MYCBP2: variants seen among roughly 807,000 people sequenced by gnomAD.
The protein encoded by MYCBP2 is MYC binding protein 2.
Under a neutral mutation model 525.3 loss-of-function variants are expected in MYCBP2, and 120 were observed. The ratio of observed to expected loss-of-function variants is 0.23; its 90% CI spans 0.20 to 0.27. The LOEUF is 0.27. MYCBP2 is among the 10% of genes least tolerant of loss of function. The pLI is 1.00. For missense variants in MYCBP2, 4,149 were observed against 5,657.1 expected, an observed-to-expected ratio of 0.73 and a Z score of 8.55; for synonymous variants, 1,894 against 1,955.8, an observed-to-expected ratio of 0.97 and a Z score of 0.83.
intron 14 of MYCBP2, among the ~76,000 whole-genome samples, chr13:77,255,700 C>G (rs998345587): frequency 5.3e-5 from 8 of 151,730 alleles, no homozygotes; most frequent in African/African-American, 1.5e-4. Flanking sequence ...TAGTAACTTG[C>G]TCATTTTTAA....
intron 1 of MYCBP2, among the ~76,000 whole-genome samples, chr13:77,307,800 C>T (rs2079655469): frequency 6.6e-6 from 1 of 152,032 alleles, no homozygotes; most frequent in Non-Finnish European, 1.5e-5. Flanking sequence ...ACGATAACTA[C>T]CAAACAGTGC....
chr13:77,149,874 A>G (rs2056197734), intron 47 of MYCBP2, among the ~76,000 whole-genome samples: 2 of 152,194 alleles, frequency 1.3e-5, no homozygotes, highest in South Asian at 4.1e-4. Context: ...CACCAAATTA[A>G]GTCAATAGTC....
intron 23 of MYCBP2, among the ~76,000 whole-genome samples, chr13:77,208,050 T>C (rs2063557693): frequency 7.1e-6 from 1 of 141,526 alleles, no homozygotes; most frequent in African/African-American, 2.6e-5. Context: ...CACTGTTCCC[T>C]CTACCCCTTC....
At chr13:77,077,443 G>C in intron 66 of MYCBP2, 56 bp from the exon 67 acceptor site, 3 of 1,597,132 alleles carry the variant, frequency 1.9e-6, no homozygotes, top group Non-Finnish European at 2.6e-6. Flanking sequence ...TTTTATCACT[G>C]TGCTGGACTT....
intron 1 of MYCBP2, among the ~76,000 whole-genome samples, chr13:77,317,805 T>G (rs533149339): frequency 6.6e-6 from 1 of 152,060 alleles, no homozygotes; most frequent in African/African-American, 2.4e-5. Context: ...GGCGTGGTGA[T>G]GTGCACCTGT....
At chr13:77,300,596 C>T (rs946498843) in intron 1 of MYCBP2, among the ~76,000 whole-genome samples, 1 of 152,024 alleles carries the variant, frequency 6.6e-6, no homozygotes. Context: ...GATAAACAGG[C>T]CCATATCAGA....
At position 77,326,680 on chromosome 13, in the gene MYCBP2, C is replaced by T. The variant is rs754294977; in HGVS notation, c.96G>A (p.Pro32=). The T allele has an allele frequency of 2.7e-6, 4 of 1,456,228 alleles. No homozygotes were observed. The highest frequency in any genetic ancestry group is 2.9e-5 in the Admixed American group (1 of 34,506). 90.2% of individuals were successfully genotyped at this position (1,456,228 alleles called of 1,614,324 possible). The change falls in exon 1 of 83, where the codon CCG becomes CCA. Residue 32 remains proline (P), a synonymous_variant. Transcript: ENST00000544440. The surrounding 1 kb of genome is among the most constrained non-coding windows in gnomAD (Gnocchi z 4.2). ...FYPAATFSSS[P]APGALFMPVP... ...CCGGCATGAACAGCGCCCCCGGCGC[C>T]GGGGAGGAAGAGAAGGTGGCGGCTG...
intron 17 of MYCBP2, 94 bp from the exon 18 acceptor site, chr13:77,233,357 T>G: frequency 9.7e-7 from 1 of 1,036,020 alleles, no homozygotes; most frequent in Non-Finnish European, 1.4e-6. Context: ...AGCATAAAAA[T>G]TTATTCTTAA....
At chr13:77,298,987 A>G (rs2078486714) in intron 1 of MYCBP2, among the ~76,000 whole-genome samples, 1 of 147,986 alleles carries the variant, frequency 6.8e-6, no homozygotes, top group African/African-American at 2.4e-5. Flanking sequence ...AATAAATAAA[A>G]CACAATACGT....
At chr13:77,198,283 T>A (rs749301878) in intron 26 of MYCBP2, among the ~76,000 whole-genome samples, 1 of 152,232 alleles carries the variant, frequency 6.6e-6, no homozygotes, top group Non-Finnish European at 1.5e-5. Flanking sequence ...ATTTTTACTT[T>A]ATTCATTCTT....
At chr13:77,312,013 A>G (rs1210108783) in intron 1 of MYCBP2, among the ~76,000 whole-genome samples, 2 of 152,106 alleles carry the variant, frequency 1.3e-5, no homozygotes, top group Non-Finnish European at 2.9e-5. Flanking sequence ...AAAATTACAC[A>G]CCACACAGAG....
At chr13:77,108,046 T>C (rs2048121683) in intron 55 of MYCBP2, among the ~76,000 whole-genome samples, 1 of 152,168 alleles carries the variant, frequency 6.6e-6, no homozygotes, top group East Asian at 1.9e-4. Flanking sequence ...ACATAAATGT[T>C]AGTATACTAA....
chr13:77,312,390 T>C (rs2080363813), intron 1 of MYCBP2, among the ~76,000 whole-genome samples: 1 of 152,034 alleles, frequency 6.6e-6, no homozygotes, highest in African/African-American at 2.4e-5. Context: ...AACTATAACA[T>C]TGTTTGGTGA....
At chr13:77,106,460 T>C (rs973720355) in intron 55 of MYCBP2, among the ~76,000 whole-genome samples, 9 of 152,110 alleles carry the variant, frequency 5.9e-5, no homozygotes, top group African/African-American at 2.2e-4. Context: ...ATACATTATA[T>C]TCAGGAGGCT....
chr13:77,264,689 T>C (rs1480118070), intron 8 of MYCBP2, among the ~76,000 whole-genome samples: 3 of 152,248 alleles, frequency 2.0e-5, no homozygotes, highest in South Asian at 2.1e-4. Context: ...GTACACCATA[T>C]ACTTTGATCA....
intron 55 of MYCBP2, chr13:77,103,090 A>T (rs901973185): frequency 3.1e-5 from 12 of 392,092 alleles, no homozygotes; most frequent in Non-Finnish European, 5.4e-5. Flanking sequence ...AAATAAAATG[A>T]TAAACTTTAA....
At chr13:77,057,923 C>T (rs991199907) in intron 78 of MYCBP2, among the ~76,000 whole-genome samples, 4 of 150,998 alleles carry the variant, frequency 2.6e-5, no homozygotes, top group Admixed American at 6.6e-5. Flanking sequence ...CTGCAAGCTC[C>T]GTCTCCTGGC....
chr13:77,187,217 G>C (rs905171638), intron 30 of MYCBP2, among the ~76,000 whole-genome samples: 2 of 152,122 alleles, frequency 1.3e-5, no homozygotes, highest in African/African-American at 4.8e-5. Flanking sequence ...GGGTTACCAA[G>C]CACAGAAAAG....
At chr13:77,300,070 T>C (rs990925003) in intron 1 of MYCBP2, among the ~76,000 whole-genome samples, 35 of 152,204 alleles carry the variant, frequency 2.3e-4, no homozygotes, top group Admixed American at 1.6e-3. Flanking sequence ...TTAAAACCTC[T>C]TTCACTCAAA....
Sources: allele counts gnomAD v4.1 joint callset (sites outside exome capture counted in the v4.1 genomes callset), GRCh38; gene constraint gnomAD v4.1.1; non-coding constraint Gnocchi (gnomAD v3.1); transcripts MANE v1.5; gene names NCBI Gene and HGNC (gene_info 2026-07-23, HGNC 2026-07-21).